Variants in ADGRB3 observed in about 807,000 individuals in gnomAD.
The protein encoded by ADGRB3 is adhesion G protein-coupled receptor B3.
Under a neutral mutation model 193.4 loss-of-function variants are expected in ADGRB3, and 37 were observed. The ratio of observed to expected loss-of-function variants is 0.19; its 90% CI spans 0.15 to 0.25. ADGRB3 has a LOEUF of 0.25. Ranked by LOEUF, ADGRB3 falls within the 10% of genes least tolerant of loss-of-function variation. The pLI is 1.00. For missense variants in ADGRB3, 1,637 were observed against 1,852.9 expected (o/e 0.88, Z 2.14); for synonymous variants, 690 against 644.2 (o/e 1.07, Z -1.08).
At position 68,975,223 on chromosome 6, in the gene ADGRB3, G is replaced by T. The variant is rs750939165; in HGVS notation, c.1628-11G>T. The T allele has an allele frequency of 1.2e-6, 2 of 1,609,326 alleles. No homozygotes were observed. The highest frequency in any genetic ancestry group is 2.2e-5 in the South Asian group (2 of 90,970). ...ATTATAAAGCTTCTCTCTGTTCTTT[G>T]TGACACACAGGCACCACTAGCAGAC... is the stretch of plus-strand genomic sequence containing the variant. On this transcript the variant is annotated splice_polypyrimidine_tract_variant and intron_variant, in intron 9 of 31. Transcript: ENST00000370598.
chr6:68,967,938 C>CA (rs1015289742), intron 8 of ADGRB3, among the ~76,000 whole-genome samples: 20 of 152,164 alleles, frequency 1.3e-4, no homozygotes, highest in African/African-American at 4.3e-4. Context: ...AACCTGCACA[C>CA]AAGCTCTGAG....
intron 5 of ADGRB3, 111 bp from the exon 6 acceptor site, chr6:68,943,719 C>T (rs1767700682): frequency 1.2e-6 from 1 of 843,830 alleles, no homozygotes; most frequent in African/African-American, 1.7e-5. Context: ...TGAGTTTTAA[C>T]ATATCTTTAC....
chr6:69,232,927 T>A, intron 17 of ADGRB3: 1 of 470,736 alleles, frequency 2.1e-6, no homozygotes, highest in Non-Finnish European at 3.8e-6. Context: ...ACACCCTGAG[T>A]ATTTGAAACA....
At chr6:69,004,509 A>AT (rs1201313390) in intron 11 of ADGRB3, among the ~76,000 whole-genome samples, 1 of 150,184 alleles carries the variant, frequency 6.7e-6, no homozygotes. Context: ...GGTGTGCTGC[A>AT]CCCATTAACT....
chr6:68,783,279 A>G (rs1248245810), intron 3 of ADGRB3, among the ~76,000 whole-genome samples: 1 of 145,744 alleles, frequency 6.9e-6, no homozygotes, highest in Non-Finnish European at 1.5e-5. Context: ...ACTGCCCTAT[A>G]TTGCCTCCCT....
chr6:69,040,084 A>T (rs1770985149), intron 13 of ADGRB3, among the ~76,000 whole-genome samples: 1 of 152,194 alleles, frequency 6.6e-6, no homozygotes, highest in African/African-American at 2.4e-5. Flanking sequence ...ATGAGGATCA[A>T]TAATGAGAGT....
intron 6 of ADGRB3, among the ~76,000 whole-genome samples, chr6:68,954,134 A>G (rs530260111): frequency 8.5e-5 from 13 of 152,204 alleles, no homozygotes; most frequent in Non-Finnish European, 1.3e-4. Flanking sequence ...TGTGTCTATT[A>G]TAATTACATC....
chr6:69,329,861 T>C (rs2127312743), intron 22 of ADGRB3, among the ~76,000 whole-genome samples: 2 of 152,322 alleles, frequency 1.3e-5, no homozygotes, highest in South Asian at 4.1e-4. Flanking sequence ...TTATCTTGTC[T>C]CTATCAATGC....
At chr6:68,872,059 C>T (rs1387886508) in intron 3 of ADGRB3, among the ~76,000 whole-genome samples, 1 of 152,068 alleles carries the variant, frequency 6.6e-6, no homozygotes, top group Non-Finnish European at 1.5e-5. Context: ...TTAATTTTCT[C>T]TTGCTGTAAC....
intron 16 of ADGRB3, among the ~76,000 whole-genome samples, chr6:69,067,507 G>A (rs1402910460): frequency 2.0e-5 from 3 of 152,080 alleles, no homozygotes; most frequent in Non-Finnish European, 4.4e-5. Context: ...ATTCATCAGT[G>A]GGTATTTTCA....
intron 3 of ADGRB3, among the ~76,000 whole-genome samples, chr6:68,880,960 A>G (rs919273905): frequency 2.6e-5 from 4 of 152,196 alleles, no homozygotes; most frequent in Non-Finnish European, 5.9e-5. Context: ...TTTACAAGTC[A>G]TTAAAAAGTC....
chr6:68,973,133 A>G (rs891715464), intron 8 of ADGRB3, among the ~76,000 whole-genome samples: 1 of 152,222 alleles, frequency 6.6e-6, no homozygotes, highest in African/African-American at 2.4e-5. Flanking sequence ...GGAGAGGACT[A>G]TCTTAAACAA....
chr6:68,744,967 C>A (rs1420350890), intron 3 of ADGRB3, among the ~76,000 whole-genome samples: 1 of 152,020 alleles, frequency 6.6e-6, no homozygotes, highest in Non-Finnish European at 1.5e-5. Flanking sequence ...TGTAACAAAG[C>A]AGGAATAGGC....
intron 17 of ADGRB3, among the ~76,000 whole-genome samples, chr6:69,152,309 A>G (rs565852895): frequency 1.3e-5 from 2 of 152,220 alleles, no homozygotes; most frequent in Non-Finnish European, 2.9e-5. Flanking sequence ...TCACACATCC[A>G]GAGAGAAACC....
At chr6:69,037,201 A>G (rs546338921) in intron 13 of ADGRB3, among the ~76,000 whole-genome samples, 21 of 152,318 alleles carry the variant, frequency 1.4e-4, no homozygotes, top group African/African-American at 3.6e-4. Flanking sequence ...GGCACCTTCT[A>G]GTAAGATGGG....
chr6:68,680,744 C>T (rs1764879451), intron 3 of ADGRB3, among the ~76,000 whole-genome samples: 1 of 152,094 alleles, frequency 6.6e-6, no homozygotes, highest in South Asian at 2.1e-4. Context: ...AAATCATACA[C>T]ATGTATATAA....
chr6:68,741,848 C>T (rs1765989189), intron 3 of ADGRB3, among the ~76,000 whole-genome samples: 1 of 152,140 alleles, frequency 6.6e-6, no homozygotes, highest in Admixed American at 6.6e-5. Flanking sequence ...AAATTCTTTT[C>T]AGCATTCCTT....
intron 26 of ADGRB3, among the ~76,000 whole-genome samples, chr6:69,349,560 A>G (rs1769179479): frequency 6.6e-6 from 1 of 152,190 alleles, no homozygotes; most frequent in Non-Finnish European, 1.5e-5. Context: ...ATCAACTATC[A>G]TAATACATAT....
At chr6:69,189,099 A>G (rs1158171587) in intron 17 of ADGRB3, among the ~76,000 whole-genome samples, 1 of 152,216 alleles carries the variant, frequency 6.6e-6, no homozygotes, top group Non-Finnish European at 1.5e-5. Context: ...TTCTTCTGGA[A>G]CACTATGTGT....
Sources: gnomAD v4.1 joint callset for allele counts (sites outside exome capture counted in the v4.1 genomes callset) on GRCh38, gnomAD v4.1.1 for gene constraint, MANE v1.5 for transcripts, NCBI Gene and HGNC (gene_info 2026-07-23, HGNC 2026-07-21) for gene names.